Variants in APBA2 observed in about 807,000 individuals in gnomAD.
The protein encoded by APBA2 is amyloid-beta A4 precursor protein-binding family A member 2.
Under a neutral mutation model 75.0 loss-of-function variants are expected in APBA2, and 30 were observed. The observed-to-expected ratio is 0.40, with a 90% confidence interval of 0.30 to 0.54. The LOEUF is 0.54. Among genes scored for constraint, APBA2 ranks in the 20% least tolerant of loss-of-function variants. The pLI is 0.49. For synonymous variants in APBA2, 444 were observed against 409.6 expected (o/e 1.08, Z -1.01); for missense variants, 801 against 1,016.1 (o/e 0.79, Z 2.88).
Position 29,020,246 on chromosome 15 carries a change from C to G in APBA2, c.-41+24440C>G, listed in dbSNP as rs2039883319. Among the ~76,000 whole-genome samples, 4 of 150,450 alleles carry G rather than the reference C, an allele frequency of 2.7e-5. No homozygotes were observed. In the South Asian group the frequency reaches 8.4e-4, roughly 31 times the overall value. On this transcript the variant is annotated intron_variant, in intron 3 of 14. Transcript: ENST00000683413. ...TCATTCTTTGATACATTTACTTCGA[C>G]TATTTTCTTCCAGTCTGTTGTCTTC...
intron 2 of APBA2, among the ~76,000 whole-genome samples, chr15:28,957,104 G>C (rs143771885): frequency 2.0e-5 from 3 of 151,362 alleles, no homozygotes; most frequent in Non-Finnish European, 4.4e-5. Context: ...ATGGAGTCTC[G>C]TTCTGTCACC....
At chr15:29,110,397 C>T (rs2044664685) in intron 13 of APBA2, among the ~76,000 whole-genome samples, 1 of 152,170 alleles carries the variant, frequency 6.6e-6, no homozygotes, top group African/African-American at 2.4e-5. Flanking sequence ...TTGTCCTGTT[C>T]CTGCACCCCC....
intron 1 of APBA2, among the ~76,000 whole-genome samples, chr15:28,906,442 CAT>C (rs1450384316): frequency 6.6e-6 from 1 of 152,200 alleles, no homozygotes; most frequent in Non-Finnish European, 1.5e-5. Context: ...AAAATGCTGA[CAT>C]GTGGAGTCTC....
chr15:29,027,980 T>C (rs576683772), intron 3 of APBA2, among the ~76,000 whole-genome samples: 1 of 149,998 alleles, frequency 6.7e-6, no homozygotes, highest in Admixed American at 6.7e-5. Flanking sequence ...TTAACACTCT[T>C]TTCGTTTTTT....
intron 1 of APBA2, among the ~76,000 whole-genome samples, chr15:28,915,246 C>CACACACCACACACATACCCCAT (rs2033632914): frequency 6.6e-6 from 1 of 151,878 alleles, no homozygotes; most frequent in African/African-American, 2.4e-5. Flanking sequence ...CCATATATAC[C>CACACACCACACACATACCCCAT]ACACACCACA....
rs910113889 is a variant in APBA2 at position 28,955,016 on chromosome 15, A to T, written c.-95+33267A>T. Among the ~76,000 whole-genome samples the T allele has an allele frequency of 4.6e-5, 7 of 152,082 alleles. No individual in the cohort carries two copies. The South Asian group carries it at 1.5e-3, about 32-fold the overall frequency. ...CCAGAGGCATAGCCGGCCCACCCCC[A>T]GCCCCATTGCTCACGGTTCACCCAG... On this transcript the variant is annotated intron_variant, in intron 2 of 14. Transcript: ENST00000683413.
At chr15:28,919,482 T>C (rs2033855729) in intron 1 of APBA2, 1 of 152,568 alleles carries the variant, frequency 6.6e-6, no homozygotes, top group Non-Finnish European at 1.5e-5. Flanking sequence ...CCCGGCCCCG[T>C]GGCAGGTAAC....
At chr15:29,024,299 C>T (rs148950605) in intron 3 of APBA2, among the ~76,000 whole-genome samples, 317 of 152,306 alleles carry the variant, frequency 2.1e-3, no homozygotes, top group African/African-American at 7.2e-3. Flanking sequence ...TACATTTCCA[C>T]GAGACCATTA....
intron 14 of APBA2, among the ~76,000 whole-genome samples, chr15:29,116,422 T>A (rs111991296): frequency 2.6e-5 from 4 of 151,814 alleles, no homozygotes; most frequent in Non-Finnish European, 4.4e-5. Flanking sequence ...GTCGGGAGAT[T>A]GAGACCATCC....
intron 3 of APBA2, among the ~76,000 whole-genome samples, chr15:29,023,547 C>G (rs182714392): frequency 1.6e-4 from 22 of 140,096 alleles, no homozygotes; most frequent in African/African-American, 6.1e-4. Flanking sequence ...CCTCTGTCTC[C>G]GAGGTTCAAG....
At chr15:28,993,779 T>C (rs904388957) in intron 2 of APBA2, among the ~76,000 whole-genome samples, 1 of 152,068 alleles carries the variant, frequency 6.6e-6, no homozygotes, top group South Asian at 2.1e-4. Context: ...CGGTGGGCGA[T>C]GGGCAGGTCT....
chr15:29,033,259 T>G (rs2040574351), intron 3 of APBA2, among the ~76,000 whole-genome samples: 1 of 152,222 alleles, frequency 6.6e-6, no homozygotes, highest in Admixed American at 6.5e-5. Context: ...TTTGATGTCC[T>G]TTCTGCACCT....
chr15:28,914,606 C>T (rs1391250523), intron 1 of APBA2, among the ~76,000 whole-genome samples: 1 of 152,012 alleles, frequency 6.6e-6, no homozygotes, highest in African/African-American at 2.4e-5. Context: ...CCCCGCTCAG[C>T]TGCACAGCCC....
chr15:28,969,126 CTTTTTCTTTCTTTCTTTCTT>C lies in APBA2; in HGVS notation c.-94-26625_-94-26606del, dbSNP rs1488895070. On this transcript the variant is annotated intron_variant, in intron 2 of 14. Coordinates refer to ENST00000683413, the MANE Select transcript of APBA2 (RefSeq NM_001353788.2). ...TCTACAAAAACCTTACCTTTCATTT[CTTTTTCTTTCTTTCTTTCTT>C]TCTTTCTTTCTTTCTTTCTTTCTTT... is the stretch of plus-strand genomic sequence containing the variant. Among the ~76,000 whole-genome samples, 6 of 106,316 alleles carry C rather than the reference CTTTTTCTTTCTTTCTTTCTT, an allele frequency of 5.6e-5. No individual in the cohort carries two copies. In the East Asian group the frequency reaches 1.0e-3, roughly 18 times the overall value. 69.7% of individuals were successfully genotyped at this position (106,316 alleles called of 152,430 possible).
intron 3 of APBA2, among the ~76,000 whole-genome samples, chr15:29,011,391 G>A (rs956539671): frequency 2.0e-5 from 3 of 152,158 alleles, no homozygotes; most frequent in Admixed American, 2.0e-4. Context: ...CCTTTGAAAT[G>A]TGGGTTATTT....
chr15:29,014,878 T>G (rs1011358339), intron 3 of APBA2, among the ~76,000 whole-genome samples: 1 of 152,106 alleles, frequency 6.6e-6, no homozygotes, highest in African/African-American at 2.4e-5. Flanking sequence ...GGACATTATT[T>G]AAGTCTTTAA....
At chr15:28,908,056 C>T (rs952189395) in intron 1 of APBA2, among the ~76,000 whole-genome samples, 3 of 152,334 alleles carry the variant, frequency 2.0e-5, no homozygotes, top group South Asian at 4.1e-4. Context: ...TGAAGTACCC[C>T]GTGAGTGCAG....
intron 4 of APBA2, among the ~76,000 whole-genome samples, chr15:29,073,739 T>G (rs2042725928): frequency 6.6e-6 from 1 of 152,258 alleles, no homozygotes; most frequent in Admixed American, 6.5e-5. Context: ...GTTCTGGAAC[T>G]GGACTTACCA....
intron 1 of APBA2, among the ~76,000 whole-genome samples, chr15:28,912,650 C>G (rs1416027940): frequency 1.3e-5 from 2 of 152,224 alleles, no homozygotes; most frequent in Non-Finnish European, 2.9e-5. Context: ...CTGTTCTTTA[C>G]TCTTCAGGTT....
Sources: gnomAD v4.1 joint callset for allele counts (sites outside exome capture counted in the v4.1 genomes callset) on GRCh38, gnomAD v4.1.1 for gene constraint, MANE v1.5 for transcripts, NCBI Gene and HGNC (gene_info 2026-07-23, HGNC 2026-07-21) for gene names.